The following AGXT2 variants were observed in gnomAD, a reference collection of about 807,000 sequenced individuals.
The protein encoded by AGXT2 is alanine--glyoxylate aminotransferase 2, mitochondrial.
AGXT2 carries 61 observed loss-of-function variants against 62.5 expected under a neutral mutation model. The observed-to-expected ratio is 0.98, with a 90% confidence interval of 0.79 to 1.21. The LOEUF is 1.21. Ranked by LOEUF, AGXT2 falls within the 50% of genes most tolerant of loss-of-function variation. The pLI is 0.00. For synonymous variants in AGXT2, 243 were observed against 218.7 expected, an observed-to-expected ratio of 1.11 and a Z score of -0.98; for missense variants, 666 against 641.5, an observed-to-expected ratio of 1.04 and a Z score of -0.41.
At chr5:35,035,074 A>G (rs2112271123) in intron 5 of AGXT2, 148 bp downstream of exon 5, 2 of 781,448 alleles carry the variant, frequency 2.6e-6, no homozygotes, top group Non-Finnish European at 4.3e-6. Context: ...CATAAAATTC[A>G]ATTGACCTAT....
At chr5:35,013,258 G>C (rs1279257484) in intron 10 of AGXT2, among the ~76,000 whole-genome samples, 1 of 152,226 alleles carries the variant, frequency 6.6e-6, no homozygotes, top group Non-Finnish European at 1.5e-5. Context: ...TGTATTTGGA[G>C]ATAGTGCGTT....
chr5:35,024,601 C>A (rs1004689323), intron 9 of AGXT2, among the ~76,000 whole-genome samples: 1 of 152,134 alleles, frequency 6.6e-6, no homozygotes, highest in Admixed American at 6.5e-5. Flanking sequence ...TTTTGGGGAA[C>A]TATTTTCAAA....
intron 9 of AGXT2, among the ~76,000 whole-genome samples, chr5:35,024,793 A>G (rs1767259578): frequency 6.6e-6 from 1 of 152,082 alleles, no homozygotes; most frequent in African/African-American, 2.4e-5. Flanking sequence ...ACACGGAGAA[A>G]CCCCAGTCTC....
intron 11 of AGXT2, 26 bp from the exon 12 acceptor site, chr5:35,010,175 C>G (rs746039390): frequency 6.2e-7 from 1 of 1,614,048 alleles, no homozygotes; most frequent in African/African-American, 1.3e-5. Flanking sequence ...CCCAAATGAT[C>G]TTACATGGCA....
chr5:35,046,295 A>G (rs75431142), intron 1 of AGXT2, among the ~76,000 whole-genome samples: 3,214 of 152,296 alleles, frequency 0.021, 84 homozygotes, highest in Non-Finnish European at 0.027. Context: ...TACTTTCAGC[A>G]TAATTTCCTC....
intron 11 of AGXT2, among the ~76,000 whole-genome samples, chr5:35,011,895 G>T (rs975489765): frequency 6.8e-6 from 1 of 146,252 alleles, no homozygotes; most frequent in Non-Finnish European, 1.5e-5. Context: ...TTGATGAGTG[G>T]ATAAAGAAAA....
At chr5:35,022,483 A>G (rs1412032092) in intron 9 of AGXT2, among the ~76,000 whole-genome samples, 9 of 151,234 alleles carry the variant, frequency 6.0e-5, no homozygotes, top group South Asian at 4.2e-4. Context: ...ACAAAAAACC[A>G]AGCACCGCAT....
intron 11 of AGXT2, 124 bp downstream of exon 11, chr5:35,012,830 G>T: frequency 2.1e-6 from 2 of 938,462 alleles, no homozygotes; most frequent in Non-Finnish European, 3.4e-6. Flanking sequence ...TAACTTTAAT[G>T]GATAAACTAT....
chr5:35,033,209 G>C, intron 6 of AGXT2: 1 of 510,768 alleles, frequency 2.0e-6, no homozygotes, highest in Non-Finnish European at 3.5e-6. Flanking sequence ...GATTCTCAGA[G>C]CCTTGCAGTT....
chr5:35,039,757 A>G (rs1329234118), intron 2 of AGXT2, among the ~76,000 whole-genome samples: 1 of 152,226 alleles, frequency 6.6e-6, no homozygotes, highest in Non-Finnish European at 1.5e-5. Flanking sequence ...CTACCTAGCA[A>G]TGAAAAGCCT....
intron 2 of AGXT2, among the ~76,000 whole-genome samples, chr5:35,040,031 G>T (rs1024178852): frequency 6.6e-6 from 1 of 151,888 alleles, no homozygotes; most frequent in Non-Finnish European, 1.5e-5. Context: ...AGGAGTTGCC[G>T]TGTGTGTGTG....
At chr5:35,045,764 C>CTTTTTTTTTTTT (rs1255749919) in intron 1 of AGXT2, among the ~76,000 whole-genome samples, 4 of 99,164 alleles carry the variant, frequency 4.0e-5, no homozygotes, top group Admixed American at 1.2e-4. Context: ...TTTCTTTTTT[C>CTTTTTTTTTTTT]TTTTTTTTTT....
chr5:35,020,355 C>T (rs910999395), intron 9 of AGXT2, among the ~76,000 whole-genome samples: 28 of 152,274 alleles, frequency 1.8e-4, no homozygotes, highest in Non-Finnish European at 1.9e-4. Flanking sequence ...TCCAGCAGCA[C>T]ATCAAAAAGC....
intron 2 of AGXT2, 87 bp downstream of exon 2, chr5:35,040,488 T>C: frequency 7.7e-7 from 1 of 1,292,082 alleles, no homozygotes; most frequent in Non-Finnish European, 1.1e-6. Context: ...AGCAGGGCTA[T>C]TTTTGTGTCA....
chr5:35,004,967 A>G lies in AGXT2; in HGVS notation c.1339-1106T>C, dbSNP rs569113734. ...TTTTGTTCTGTCTTAAAGCCTTAAC[A>G]TAAGCAAAATACATATTCAAACTTT... On this transcript the variant is annotated intron_variant, in intron 12 of 13. Transcript: ENST00000231420. Among the ~76,000 whole-genome samples, 12 of 152,352 alleles carry G rather than the reference A, an allele frequency of 7.9e-5. No individual in the cohort carries two copies. The South Asian group carries it at 1.9e-3, about 24-fold the overall frequency.
chr5:35,039,584 A>G, intron 2 of AGXT2, 76 bp from the exon 3 acceptor site: 1 of 1,485,154 alleles, frequency 6.7e-7, no homozygotes, highest in Non-Finnish European at 9.3e-7. Flanking sequence ...AACAGAGCCC[A>G]GGCTCTCTAG....
At chr5:35,024,170 G>C (rs973612995) in intron 9 of AGXT2, among the ~76,000 whole-genome samples, 1 of 152,156 alleles carries the variant, frequency 6.6e-6, no homozygotes, top group Non-Finnish European at 1.5e-5. Context: ...TGGGATGACA[G>C]ATGTGAGCCA....
At chr5:35,037,518 T>TC in intron 3 of AGXT2, among the ~76,000 whole-genome samples, 2 of 141,890 alleles carry the variant, frequency 1.4e-5, no homozygotes, top group East Asian at 4.9e-4. Flanking sequence ...CTCCCTCCCT[T>TC]CCCCCCTTCC....
chr5:35,020,260 G>A (rs1343092460), intron 9 of AGXT2, among the ~76,000 whole-genome samples: 1 of 152,118 alleles, frequency 6.6e-6, no homozygotes, highest in Non-Finnish European at 1.5e-5. Context: ...GCCGGGCAGA[G>A]ACACAACCAA....
Sources: allele counts gnomAD v4.1 joint callset (sites outside exome capture counted in the v4.1 genomes callset), GRCh38; gene constraint gnomAD v4.1.1; transcripts MANE v1.5; gene names NCBI Gene and HGNC (gene_info 2026-07-23, HGNC 2026-07-21).